Variants in YTHDC2 observed in about 807,000 individuals in gnomAD.
YTHDC2 encodes 3'-5' RNA helicase YTHDC2.
In YTHDC2, 45 loss-of-function variants were observed where a neutral mutation model predicts 174.9. The observed-to-expected ratio is 0.26, with a 90% confidence interval of 0.20 to 0.33. YTHDC2 has a LOEUF of 0.33. Ranked by LOEUF, YTHDC2 falls within the 10% of genes least tolerant of loss-of-function variation. The pLI is 1.00. For synonymous variants in YTHDC2, 657 were observed against 574.5 expected (o/e 1.14, Z -2.05); for missense variants, 1,650 against 1,723.7 (o/e 0.96, Z 0.76).
At chr5:113,585,841 G>T (rs1290386892) in intron 26 of YTHDC2, among the ~76,000 whole-genome samples, 1 of 151,774 alleles carries the variant, frequency 6.6e-6, no homozygotes, top group African/African-American at 2.4e-5. Context: ...TCTAATTACT[G>T]AGTAGTATTC....
rs199886479 is a variant in YTHDC2 at position 113,542,459 on chromosome 5, C to T, written c.1451C>T (p.Ala484Val). 4 of 1,610,862 alleles carry T rather than the reference C, an allele frequency of 2.5e-6. No homozygotes were observed. The African/African-American group carries it at 5.3e-5, about 22-fold the overall frequency. ...SDIWLHKDIDAFAQVFHLILT... is the reference protein window; with the variant it reads ...SDIWLHKDIDVFAQVFHLILT... ...ATATGGCTACATAAAGATATTGATG[C>T]CTTTGCTCAGGTCTTTCATCTCATT... The change falls in exon 10 of 30, where the codon GCC becomes GTC. Residue 484 changes from alanine (A) to valine (V), a missense_variant. Ala to Val is a moderately conservative substitution (Grantham distance 64). Coordinates refer to ENST00000161863, the MANE Select transcript of YTHDC2 (RefSeq NM_022828.5).
rs780849966 is a variant in YTHDC2 at position 113,581,610 on chromosome 5, C to G, written c.3548C>G (p.Ser1183Cys). The change falls in exon 25 of 30, where the codon TCT becomes TGT. Residue 1183 changes from serine to cysteine, a missense_variant. Coordinates refer to ENST00000161863, the MANE Select transcript of YTHDC2 (RefSeq NM_022828.5). The part of the protein sequence containing the change: ...SGIGQRPRPM[S>C]SEELPLASSW... ...ATTGGCCAAAGGCCAAGGCCTATGT[C>G]TTCAGAAGAGCTTCCTTTGGCCTCA... 1.2e-6 allele frequency: 2 copies of G among 1,613,942 alleles called. No individual in the cohort carries two copies. The highest frequency in any genetic ancestry group is 1.3e-5 in the African/African-American group (1 of 75,062).
chr5:113,556,139 T>C lies in YTHDC2; in HGVS notation c.2216+5T>C. ...TGCCATACAGCGGAAAGGCAGGTAATGTATATTTAATGTATATTCATTCAA... is the reference window on the plus strand; with the variant it reads ...TGCCATACAGCGGAAAGGCAGGTAACGTATATTTAATGTATATTCATTCAA... On this transcript the variant is annotated splice_donor_5th_base_variant and intron_variant, in intron 17 of 29. Coordinates refer to ENST00000161863, the MANE Select transcript of YTHDC2 (RefSeq NM_022828.5). 1 of 1,582,226 alleles carries C rather than the reference T, an allele frequency of 6.3e-7. No individual in the cohort carries two copies. Among genetic ancestry groups the C allele is most frequent in the Non-Finnish European group, 8.7e-7 (1 of 1,154,284 alleles).
At chr5:113,581,339 A>G in intron 24 of YTHDC2, 78 bp from the exon 25 acceptor site, 1 of 1,321,886 alleles carries the variant, frequency 7.6e-7, no homozygotes, top group Non-Finnish European at 9.9e-7. Flanking sequence ...ACAGTTGCAA[A>G]CTAATGGAAA....
At chr5:113,515,247 A>G in intron 1 of YTHDC2, 25 bp from the exon 2 acceptor site, 1 of 1,579,736 alleles carries the variant, frequency 6.3e-7, no homozygotes. Flanking sequence ...TACAAATTTT[A>G]CTACTTTGTT....
chr5:113,549,758 CCT>C (rs1157487140), intron 12 of YTHDC2, among the ~76,000 whole-genome samples: 1 of 151,770 alleles, frequency 6.6e-6, no homozygotes, highest in African/African-American at 2.4e-5. Context: ...GCCCTACCAC[CCT>C]CTGATACACT....
intron 16 of YTHDC2, among the ~76,000 whole-genome samples, chr5:113,554,547 A>G (rs1232901264): frequency 1.3e-5 from 2 of 150,598 alleles, no homozygotes; most frequent in East Asian, 3.9e-4. Context: ...GATAACCAGC[A>G]GCTAAATTGG....
At chr5:113,522,787 AT>A (rs1773967401) in intron 2 of YTHDC2, among the ~76,000 whole-genome samples, 1 of 152,156 alleles carries the variant, frequency 6.6e-6, no homozygotes, top group South Asian at 2.1e-4. Context: ...TAATCCTTTT[AT>A]GATATATCAG....
intron 26 of YTHDC2, among the ~76,000 whole-genome samples, chr5:113,586,437 A>G (rs1173550835): frequency 6.6e-6 from 1 of 151,740 alleles, no homozygotes; most frequent in East Asian, 1.9e-4. Context: ...TGTTTTGCAT[A>G]TTTTTTCTAA....
intron 28 of YTHDC2, 31 bp from the exon 29 acceptor site, chr5:113,593,272 T>C (rs536648066): frequency 1.3e-6 from 2 of 1,575,502 alleles, no homozygotes; most frequent in African/African-American, 2.7e-5. Context: ...CCAGTTCTTT[T>C]TATGTTTATT....
At chr5:113,561,960 GTGTGTGTGTGTGTGT>G (rs1777014349) in intron 18 of YTHDC2, among the ~76,000 whole-genome samples, 3 of 74,002 alleles carry the variant, frequency 4.1e-5, no homozygotes, top group Non-Finnish European at 6.2e-5. Context: ...AATTGTGGGT[GTGTGTGTGTGTGTGT>G]GTGTGTGTGT....
At chr5:113,552,877 C>T (rs141816062) in intron 12 of YTHDC2, among the ~76,000 whole-genome samples, 2 of 152,150 alleles carry the variant, frequency 1.3e-5, no homozygotes, top group East Asian at 1.9e-4. Flanking sequence ...AGTGGTATTT[C>T]ATTGTGGTTT....
At chr5:113,561,213 A>G (rs779610419) in intron 18 of YTHDC2, 28 bp downstream of exon 18, 1 of 1,586,188 alleles carries the variant, frequency 6.3e-7, no homozygotes, top group South Asian at 1.1e-5. Context: ...TATAAAAGGC[A>G]TTTTTTTGGG....
In YTHDC2 at chr5:113,591,105, A is replaced by G; in HGVS notation, c.3890A>G (p.Asn1297Ser). ...PVRYFIMKSSNLRNLEISQQK... is the reference protein window; with the variant it reads ...PVRYFIMKSSSLRNLEISQQK... ...CGATACTTCATAATGAAGAGTAGCA[A>G]TTTGAGAAACCTTGAAATTTCTCAA... The change falls in exon 27 of 30, where the codon AAT becomes AGT. Residue 1297 changes from asparagine to serine, a missense_variant. Coordinates refer to ENST00000161863, the MANE Select transcript of YTHDC2 (RefSeq NM_022828.5). The G allele has an allele frequency of 6.2e-6, 10 of 1,613,996 alleles. No individual in the cohort carries two copies. Among genetic ancestry groups the G allele is most frequent in the South Asian group, 2.2e-5 (2 of 91,078 alleles).
chr5:113,516,177 T>G (rs1445039424), intron 2 of YTHDC2, among the ~76,000 whole-genome samples: 2 of 152,208 alleles, frequency 1.3e-5, no homozygotes, highest in African/African-American at 4.8e-5. Flanking sequence ...GAAATCTCAT[T>G]TGAAAAATGG....
At chr5:113,563,249 T>C in intron 18 of YTHDC2, 124 bp from the exon 19 acceptor site, 1 of 763,632 alleles carries the variant, frequency 1.3e-6, no homozygotes, top group Admixed American at 3.2e-5. Flanking sequence ...TTCCTTCTAC[T>C]GTTCATTCTA....
At position 113,542,729 on chromosome 5, in the gene YTHDC2, G is replaced by A. The variant is rs188556161; in HGVS notation, c.1495+226G>A. Among the ~76,000 whole-genome samples, 417 of 152,298 alleles carry A rather than the reference G, an allele frequency of 2.7e-3. 2 individuals are homozygous for A. The highest frequency in any genetic ancestry group is 4.7e-3 in the Non-Finnish European group (318 of 68,022). On this transcript the variant is annotated intron_variant, in intron 10 of 29. Coordinates refer to ENST00000161863, the MANE Select transcript of YTHDC2 (RefSeq NM_022828.5). Reference sequence around the variant, plus strand: ...TTCTTAAGCTAATGTCTCCATTGCAGTTTGAAGAGCTGTGTGATTACATGA... The same window carrying A: ...TTCTTAAGCTAATGTCTCCATTGCAATTTGAAGAGCTGTGTGATTACATGA...
intron 10 of YTHDC2, among the ~76,000 whole-genome samples, chr5:113,546,489 G>C (rs888572491): frequency 6.6e-6 from 1 of 152,144 alleles, no homozygotes; most frequent in Non-Finnish European, 1.5e-5. Flanking sequence ...CACCAGAACT[G>C]AAAATATGTC....
intron 17 of YTHDC2, among the ~76,000 whole-genome samples, chr5:113,560,688 A>G (rs1191898786): frequency 6.6e-6 from 1 of 152,224 alleles, no homozygotes; most frequent in Admixed American, 6.5e-5. Flanking sequence ...GAGCTGTGTA[A>G]TGCATAATTT....
Sources: allele counts gnomAD v4.1 joint callset (sites outside exome capture counted in the v4.1 genomes callset), GRCh38; gene constraint gnomAD v4.1.1; transcripts MANE v1.5; gene names NCBI Gene and HGNC (gene_info 2026-07-23, HGNC 2026-07-21).